SRGAP3: variants seen among roughly 807,000 people sequenced by gnomAD.
SRGAP3 encodes SLIT-ROBO Rho GTPase-activating protein 3.
Under a neutral mutation model 121.1 loss-of-function variants are expected in SRGAP3, and 39 were observed. The observed-to-expected ratio is 0.32, with a 90% CI of 0.25 to 0.42. The LOEUF (loss-of-function observed/expected upper bound fraction) is 0.42, where lower values mean the gene tolerates loss of function less well. Ranked by LOEUF, SRGAP3 falls within the 10% of genes least tolerant of loss-of-function variation. The pLI is 1.00. For missense variants in SRGAP3, 1,213 were observed against 1,470.6 expected, an observed-to-expected ratio of 0.82 and a Z score of 2.86; for synonymous variants, 601 against 570.0, an observed-to-expected ratio of 1.05 and a Z score of -0.77.
intron 1 of SRGAP3, among the ~76,000 whole-genome samples, chr3:9,135,661 T>C (rs1949617538): frequency 2.0e-5 from 3 of 152,256 alleles, no homozygotes; most frequent in African/African-American, 4.8e-5. Flanking sequence ...AGTATTCTTA[T>C]CTTGCAGGGT....
At chr3:9,341,979 A>G (rs1955794828) in intron 1 of SRGAP3, among the ~76,000 whole-genome samples, 1 of 152,192 alleles carries the variant, frequency 6.6e-6, no homozygotes. Context: ...CTGCTTGAGA[A>G]TCTAGATACA....
chr3:9,350,896 A>G (rs762701107), intron 1 of SRGAP3, among the ~76,000 whole-genome samples: 10 of 152,222 alleles, frequency 6.6e-5, no homozygotes, highest in Non-Finnish European at 1.2e-4. Flanking sequence ...AAAACTTAGT[A>G]GTTTACCACA....
chr3:9,202,065 G>C (rs942923057), intron 1 of SRGAP3, among the ~76,000 whole-genome samples: 3 of 151,902 alleles, frequency 2.0e-5, no homozygotes, highest in Admixed American at 6.6e-5. Context: ...TGGAGGATGG[G>C]GGGAAGGGAG....
Position 9,249,011 on chromosome 3 carries a change from A to G in SRGAP3, c.-60T>C. 2 of 1,544,878 alleles carry G rather than the reference A, an allele frequency of 1.3e-6. No homozygotes were observed. Among genetic ancestry groups the G allele is most frequent in the Non-Finnish European group, 1.8e-6 (2 of 1,117,580 alleles). Reference sequence around the variant, plus strand: ...TGATTTATTTCTCCTTTTCTTTTCGAGTCCTCTCTCAAGCCCTGGTAATCA... The same window carrying G: ...TGATTTATTTCTCCTTTTCTTTTCGGGTCCTCTCTCAAGCCCTGGTAATCA... On this transcript the variant is annotated 5_prime_UTR_variant, in exon 1 of 22. Transcript: ENST00000383836.
chr3:9,203,372 A>G (rs1250029853), intron 1 of SRGAP3, among the ~76,000 whole-genome samples: 5 of 152,210 alleles, frequency 3.3e-5, no homozygotes, highest in Non-Finnish European at 7.3e-5. Flanking sequence ...TTTCCTATCT[A>G]TACATTGATA....
chr3:9,097,358 G>C (rs1466689455), intron 3 of SRGAP3, among the ~76,000 whole-genome samples: 3 of 151,962 alleles, frequency 2.0e-5, no homozygotes, highest in Non-Finnish European at 2.9e-5. Flanking sequence ...TCATTTTTTA[G>C]TCCTTACAAC....
At chr3:8,997,993 C>A (rs960485431) in intron 18 of SRGAP3, among the ~76,000 whole-genome samples, 2 of 151,982 alleles carry the variant, frequency 1.3e-5, no homozygotes, top group Non-Finnish European at 2.9e-5. Context: ...GCAATTCTTC[C>A]ACCTCAGCCT....
Position 9,235,148 on chromosome 3 carries a change from G to A in SRGAP3, c.67+13737C>T, listed in dbSNP as rs577807548. 5.9e-5 allele frequency among the ~76,000 whole-genome samples: 9 copies of A among 152,284 alleles called. No individual in the cohort carries two copies. In the East Asian group the frequency reaches 1.5e-3, roughly 26 times the overall value. ...CTAAAGGACCATTAAAACGGACGTA[G>A]GAGGTCACGCATATTGATGTTCTTA... On this transcript the variant is annotated intron_variant, in intron 1 of 21. Coordinates refer to ENST00000383836, the MANE Select transcript of SRGAP3 (RefSeq NM_014850.4).
chr3:9,175,681 G>A (rs1179543399), intron 1 of SRGAP3, among the ~76,000 whole-genome samples: 1 of 152,216 alleles, frequency 6.6e-6, no homozygotes, highest in Non-Finnish European at 1.5e-5. Context: ...AATATTTGTG[G>A]AGTTGAGCCT....
chr3:9,019,028 G>A (rs1437525345), intron 14 of SRGAP3, among the ~76,000 whole-genome samples: 2 of 152,160 alleles, frequency 1.3e-5, no homozygotes, highest in African/African-American at 4.8e-5. Context: ...TTAGTTCACA[G>A]AGATCTTCCT....
At position 9,058,166 on chromosome 3, in the gene SRGAP3, T is replaced by C. The variant is rs1012165144; in HGVS notation, c.1023+85A>G. On this transcript the variant is annotated intron_variant, in intron 7 of 21. Transcript: ENST00000383836. Reference sequence around the variant, plus strand: ...CCAGGCGTCGGATAGAAACTTTCTGTACGTGCAACCAGGGATGATGTACTG... The same window carrying C: ...CCAGGCGTCGGATAGAAACTTTCTGCACGTGCAACCAGGGATGATGTACTG... The C allele has an allele frequency of 7.6e-6, 11 of 1,451,822 alleles. No homozygotes were observed. In the African/African-American group the frequency reaches 1.1e-4, roughly 15 times the overall value. 89.9% of individuals were successfully genotyped at this position (1,451,822 alleles called of 1,614,324 possible). A position where few individuals can be genotyped will look rare whatever the true frequency, so the allele number is the denominator to read the frequency against.
At chr3:9,284,866 G>C (rs1424490882) in intron 3 of SRGAP3, among the ~76,000 whole-genome samples, 4 of 149,466 alleles carry the variant, frequency 2.7e-5, no homozygotes, top group Admixed American at 2.0e-4. Flanking sequence ...GTCTGATCTT[G>C]AGGACCTCGA....
intron 1 of SRGAP3, among the ~76,000 whole-genome samples, chr3:9,197,078 T>A (rs1348808424): frequency 6.6e-6 from 1 of 152,184 alleles, no homozygotes; most frequent in East Asian, 1.9e-4. Context: ...CACCTTCCCT[T>A]TTAAATCAGC....
chr3:9,348,745 A>C, intron 1 of SRGAP3: 1 of 1,327,624 alleles, frequency 7.5e-7, no homozygotes, highest in Non-Finnish European at 1.1e-6. Flanking sequence ...ATAAAGCAGA[A>C]ACTGCTGCAA....
intron 18 of SRGAP3, among the ~76,000 whole-genome samples, chr3:9,002,842 T>C (rs1942845639): frequency 6.6e-6 from 1 of 152,050 alleles, no homozygotes; most frequent in African/African-American, 2.4e-5. Context: ...ATATCTTAGA[T>C]GAAATTAATA....
intron 1 of SRGAP3, among the ~76,000 whole-genome samples, chr3:9,237,023 T>A (rs1953437828): frequency 6.6e-6 from 1 of 152,208 alleles, no homozygotes; most frequent in Non-Finnish European, 1.5e-5. Flanking sequence ...TCCTTCTAAG[T>A]CATCCATTGG....
intron 13 of SRGAP3, among the ~76,000 whole-genome samples, chr3:9,026,181 C>A (rs1247872170): frequency 1.3e-5 from 2 of 152,190 alleles, no homozygotes; most frequent in Non-Finnish European, 2.9e-5. Context: ...AAACATCACC[C>A]CCTCGGAGAA....
Position 9,080,037 on chromosome 3 carries a change from A to C in SRGAP3, c.474T>G (p.Asn158Lys). The C allele has an allele frequency of 1.3e-6, 2 of 1,595,904 alleles. No homozygotes were observed. Among genetic ancestry groups the C allele is most frequent in the Non-Finnish European group, 1.7e-6 (2 of 1,170,896 alleles). The change falls in exon 4 of 22, where the codon AAT (asparagine) becomes AAG (lysine). Residue 158 changes from asparagine to lysine, a missense_variant. Asn to Lys is a moderately conservative substitution (Grantham distance 94). Around this residue, in one of 2 missense-constraint regions of SRGAP3, gnomAD observed 793 missense variants for 1,032.9 expected, o/e 0.77. Coordinates refer to ENST00000383836, the MANE Select transcript of SRGAP3 (RefSeq NM_014850.4). Reference sequence around the variant, plus strand: ...GGGCAGAACTTACTGTGTAGAGCTCATTGGTCACCTTCAGGAGCTCCTCGT... The same window carrying C: ...GGGCAGAACTTACTGTGTAGAGCTCCTTGGTCACCTTCAGGAGCTCCTCGT... ...QMHEELLKVT[N>K]ELYTVMKTYH... is the part of the protein sequence containing the mutation.
chr3:9,000,203 G>A (rs1333251574), intron 18 of SRGAP3, among the ~76,000 whole-genome samples: 1 of 152,220 alleles, frequency 6.6e-6, no homozygotes, highest in Non-Finnish European at 1.5e-5. Flanking sequence ...TAAGTCCCAG[G>A]TGAGTGGAGT....
Sources: allele counts gnomAD v4.1 joint callset (sites outside exome capture counted in the v4.1 genomes callset), GRCh38; gene constraint gnomAD v4.1.1; regional missense constraint gnomAD v4.1.1; transcripts MANE v1.5; gene names NCBI Gene and HGNC (gene_info 2026-07-23, HGNC 2026-07-21).